ARHGAP24: variants seen among roughly 807,000 people sequenced by gnomAD.
The protein encoded by ARHGAP24 is Rho GTPase activating protein 24, also known as rho GTPase-activating protein 24.
ARHGAP24 carries 50 observed loss-of-function variants against 76.4 expected under a neutral mutation model. That is an observed-to-expected ratio of 0.65 (90% CI 0.52 to 0.83). ARHGAP24 has a LOEUF of 0.83. Among genes scored for constraint, ARHGAP24 ranks in the 40% least tolerant of loss-of-function variants. The pLI is 0.00. For missense variants in ARHGAP24, 930 were observed against 914.2 expected (o/e 1.02, Z -0.22); for synonymous variants, 345 against 323.3 (o/e 1.07, Z -0.72).
intron 2 of ARHGAP24, among the ~76,000 whole-genome samples, chr4:85,575,493 T>G (rs1727334860): frequency 6.6e-6 from 1 of 152,188 alleles, no homozygotes; most frequent in African/African-American, 2.4e-5. Context: ...AAAAAGAATC[T>G]TCCTCCTACG....
intron 2 of ARHGAP24, among the ~76,000 whole-genome samples, chr4:85,676,514 G>T (rs747414449): frequency 1.4e-4 from 22 of 152,170 alleles, no homozygotes; most frequent in Non-Finnish European, 2.5e-4. Flanking sequence ...AGTTGGTAGT[G>T]TTGGGTAAGT....
chr4:85,904,468 T>G (rs904127533), intron 3 of ARHGAP24, among the ~76,000 whole-genome samples: 3 of 152,232 alleles, frequency 2.0e-5, no homozygotes, highest in African/African-American at 7.2e-5. Context: ...GGGATTGCAA[T>G]TCAGCATGTG....
rs115309940 is a variant in ARHGAP24, at chr4:85,558,326, G to A, written c.-20-12196G>A. 1.7e-3 allele frequency among the ~76,000 whole-genome samples: 257 copies of A among 152,170 alleles called. 1 individual carries two copies. The highest frequency in any genetic ancestry group is 6.1e-3 in the African/African-American group (251 of 41,474). On this transcript the variant is annotated intron_variant, in intron 1 of 9. Coordinates refer to ENST00000395184, the MANE Select transcript of ARHGAP24 (RefSeq NM_001025616.3). ...TTAATTTTAAAAAATTATGTTTTAT[G>A]TAGAAGATTTATTTCTCTTTCTCTA... is the stretch of plus-strand genomic sequence containing the variant.
chr4:85,826,796 A>G (rs1729732805), intron 3 of ARHGAP24, among the ~76,000 whole-genome samples: 1 of 152,252 alleles, frequency 6.6e-6, no homozygotes, highest in Non-Finnish European at 1.5e-5. Context: ...TTAAATTGCT[A>G]ATGAACAGTG....
At chr4:85,594,940 A>C (rs1013204408) in intron 2 of ARHGAP24, among the ~76,000 whole-genome samples, 1 of 151,576 alleles carries the variant, frequency 6.6e-6, no homozygotes, top group South Asian at 2.1e-4. Context: ...ATTTAAGTAC[A>C]GTGACTCAAC....
At position 85,539,622 on chromosome 4, in the gene ARHGAP24, A is replaced by T. The variant is rs551069715; in HGVS notation, c.-20-30900A>T. ...GCTAAATTACCATCTAATAGATACC[A>T]GGTAGTTTTACTAAATTTAAATTGC... On this transcript the variant is annotated intron_variant, in intron 1 of 9. Coordinates refer to ENST00000395184, the MANE Select transcript of ARHGAP24 (RefSeq NM_001025616.3). 2.9e-4 allele frequency among the ~76,000 whole-genome samples: 44 copies of T among 152,298 alleles called. No individual in the cohort carries two copies. The South Asian group carries it at 6.8e-3, about 24-fold the overall frequency.
intron 3 of ARHGAP24, among the ~76,000 whole-genome samples, chr4:85,901,299 TA>T (rs1734475002): frequency 6.6e-6 from 1 of 152,082 alleles, no homozygotes; most frequent in Non-Finnish European, 1.5e-5. Context: ...TCCCTTATAT[TA>T]AAGGAGAAGT....
chr4:85,643,718 G>A (rs1484590192), intron 2 of ARHGAP24, among the ~76,000 whole-genome samples: 1 of 152,100 alleles, frequency 6.6e-6, no homozygotes, highest in Non-Finnish European at 1.5e-5. Context: ...TACAAGAACA[G>A]AGATCTTTGT....
chr4:85,496,189 A>C (rs1723575758), intron 1 of ARHGAP24, among the ~76,000 whole-genome samples: 1 of 152,238 alleles, frequency 6.6e-6, no homozygotes, highest in Non-Finnish European at 1.5e-5. Context: ...ACCGGGAACC[A>C]TGAAAAGGAA....
intron 1 of ARHGAP24, among the ~76,000 whole-genome samples, chr4:85,516,055 A>G (rs1326257057): frequency 3.3e-5 from 5 of 152,108 alleles, no homozygotes; most frequent in African/African-American, 1.2e-4. Flanking sequence ...GCCATTGTCT[A>G]TGTGATGTTT....
At chr4:85,893,550 G>C (rs1294532165) in intron 3 of ARHGAP24, among the ~76,000 whole-genome samples, 1 of 87,876 alleles carries the variant, frequency 1.1e-5, no homozygotes, top group African/African-American at 4.6e-5. Flanking sequence ...TTTTAGGGCA[G>C]GCCTGGTGGT....
intron 2 of ARHGAP24, among the ~76,000 whole-genome samples, chr4:85,609,904 A>AGATC (rs1270774113): frequency 6.6e-6 from 1 of 152,218 alleles, no homozygotes; most frequent in African/African-American, 2.4e-5. Context: ...CCTGAAAAAG[A>AGATC]GATCCTTCAT....
intron 3 of ARHGAP24, among the ~76,000 whole-genome samples, chr4:85,885,247 T>A (rs1733494154): frequency 2.0e-5 from 3 of 152,156 alleles, no homozygotes; most frequent in Middle Eastern, 3.2e-3. Context: ...GAGTGCTATA[T>A]AACTCCCCTA....
At chr4:85,830,943 T>G (rs909282611) in intron 3 of ARHGAP24, among the ~76,000 whole-genome samples, 2 of 152,168 alleles carry the variant, frequency 1.3e-5, no homozygotes, top group African/African-American at 4.8e-5. Flanking sequence ...TCATTTATCT[T>G]GAATGCAGTG....
chr4:85,967,003 T>G (rs78258176), intron 5 of ARHGAP24, among the ~76,000 whole-genome samples: 3,262 of 152,226 alleles, frequency 0.021, 141 homozygotes, highest in African/African-American at 0.076. Flanking sequence ...TACTTGTAAT[T>G]ATGGTGGCAT....
At chr4:85,620,433 T>G (rs1419455110) in intron 2 of ARHGAP24, among the ~76,000 whole-genome samples, 1 of 152,020 alleles carries the variant, frequency 6.6e-6, no homozygotes, top group African/African-American at 2.4e-5. Flanking sequence ...TCCATTTTTT[T>G]GGTGTATAAT....
At chr4:85,588,465 T>A (rs1727953938) in intron 2 of ARHGAP24, among the ~76,000 whole-genome samples, 1 of 152,164 alleles carries the variant, frequency 6.6e-6, no homozygotes, top group African/African-American at 2.4e-5. Context: ...CCTGCAAATA[T>A]CTGTTTGATA....
chr4:85,821,659 A>G (rs1384577121), intron 3 of ARHGAP24, among the ~76,000 whole-genome samples: 2 of 152,212 alleles, frequency 1.3e-5, no homozygotes, highest in African/African-American at 2.4e-5. Flanking sequence ...TGATGGGGTT[A>G]CAGGTATGAG....
rs1269464071 is a variant in ARHGAP24 at position 85,835,434 on chromosome 4, T to C, written c.269-88214T>C. ...AATTAGCCAGGCGTGGTGGCGGGCGTCTGTAGTCCCAGCTGGGAGGCTGAG... is the reference window on the plus strand; with the variant it reads ...AATTAGCCAGGCGTGGTGGCGGGCGCCTGTAGTCCCAGCTGGGAGGCTGAG... On this transcript the variant is annotated intron_variant, in intron 3 of 9. Transcript: ENST00000395184. Among the ~76,000 whole-genome samples, 13 of 150,618 alleles carry C rather than the reference T, an allele frequency of 8.6e-5. No individual in the cohort carries two copies. The South Asian group carries it at 2.3e-3, about 27-fold the overall frequency.
Sources: gnomAD v4.1 joint callset for allele counts (sites outside exome capture counted in the v4.1 genomes callset) on GRCh38, gnomAD v4.1.1 for gene constraint, MANE v1.5 for transcripts, NCBI Gene and HGNC (gene_info 2026-07-23, HGNC 2026-07-21) for gene names.